The following PPP4R1 variants were observed in gnomAD, a reference collection of about 807,000 sequenced individuals.
PPP4R1 encodes the protein serine/threonine-protein phosphatase 4 regulatory subunit 1.
PPP4R1 carries 42 observed loss-of-function variants against 111.2 expected under a neutral mutation model. The ratio of observed to expected loss-of-function variants is 0.38; its 90% CI spans 0.29 to 0.49. The LOEUF is 0.49. PPP4R1 is among the 20% of genes least tolerant of loss of function. The pLI, the probability that PPP4R1 is intolerant of heterozygous loss-of-function variation, is 0.97. For synonymous variants in PPP4R1, 409 were observed against 405.5 expected, an observed-to-expected ratio of 1.01 and a Z score of -0.10; for missense variants, 1,012 against 1,161.6, an observed-to-expected ratio of 0.87 and a Z score of 1.87.
Position 9,609,235 on chromosome 18 carries a change from G to A in PPP4R1, c.52+4991C>T, listed in dbSNP as rs2067536414. On this transcript the variant is annotated intron_variant, in intron 2 of 19. Transcript: ENST00000400556. ...GGCTTGTTGGCAGCAGTCAAAACAG[G>A]CTACCAGGTCTCACGACTCACCCTC... Among the ~76,000 whole-genome samples, 3 of 152,104 alleles carry A rather than the reference G, an allele frequency of 2.0e-5. No homozygotes were observed. In the South Asian group the frequency reaches 6.2e-4, roughly 32 times the overall value.
upstream of PPP4R1, chr18:9,614,636 C>T (rs1481255871): frequency 4.2e-6 from 1 of 236,130 alleles, no homozygotes; most frequent in African/African-American, 2.4e-5. The surrounding 1 kb of genome is among the most constrained non-coding windows in gnomAD (Gnocchi z 4.1). Context: ...GGCCGAGGGC[C>T]CGGGCCTGCC....
upstream of PPP4R1, among the ~76,000 whole-genome samples, chr18:9,616,589 T>G (rs910691722): frequency 1.3e-5 from 2 of 152,192 alleles, no homozygotes; most frequent in Non-Finnish European, 2.9e-5. Flanking sequence ...CAGCTCTTTA[T>G]TCTAACTGGT....
At chr18:9,574,403 C>T (rs529630437) in intron 10 of PPP4R1, among the ~76,000 whole-genome samples, 4 of 152,248 alleles carry the variant, frequency 2.6e-5, no homozygotes, top group African/African-American at 7.2e-5. Context: ...AAAGCAAACA[C>T]GCTCCAGGAT....
At chr18:9,575,675 T>C (rs1007886444) in intron 10 of PPP4R1, among the ~76,000 whole-genome samples, 1 of 152,190 alleles carries the variant, frequency 6.6e-6, no homozygotes, top group Non-Finnish European at 1.5e-5. Flanking sequence ...GCGGCAAACA[T>C]GGCCTTGATA....
At chr18:9,576,899 C>T (rs1416970759) in intron 10 of PPP4R1, among the ~76,000 whole-genome samples, 165 bp downstream of exon 10, 5 of 130,072 alleles carry the variant, frequency 3.8e-5, no homozygotes, top group African/African-American at 6.5e-5. Context: ...CAAACAAATG[C>T]GCTTAAAGTA....
chr18:9,610,896 A>AC (rs1555677225), intron 2 of PPP4R1, among the ~76,000 whole-genome samples: 10 of 151,352 alleles, frequency 6.6e-5, no homozygotes, highest in African/African-American at 2.4e-4. Context: ...ACACACACAC[A>AC]AATACCATCC....
At position 9,608,030 on chromosome 18, in the gene PPP4R1, C is replaced by T. The variant is rs570861404; in HGVS notation, c.52+6196G>A. ...AACTCCTGATCTCGGGTGATCCACC[C>T]GCCTCGTTCTCCCAAAGTGCTGGGA... On this transcript the variant is annotated intron_variant, in intron 2 of 19. Transcript: ENST00000400556. Among the ~76,000 whole-genome samples, 27 of 144,022 alleles carry T rather than the reference C, an allele frequency of 1.9e-4. No individual in the cohort carries two copies. In the South Asian group the frequency reaches 3.5e-3, roughly 19 times the overall value. The allele number at this position is 144,022 out of a possible 152,430, so 94.5% of individuals were successfully genotyped here.
chr18:9,610,867 T>TACAC (rs60173784), intron 2 of PPP4R1, among the ~76,000 whole-genome samples: 33,894 of 149,708 alleles, frequency 0.23, 3,884 homozygotes, highest in Non-Finnish European at 0.25. Context: ...AAATTATGTG[T>TACAC]ACACACACAC....
chr18:9,584,282 G>C (rs549882479), intron 8 of PPP4R1, among the ~76,000 whole-genome samples: 1 of 152,278 alleles, frequency 6.6e-6, no homozygotes, highest in Admixed American at 6.5e-5. Context: ...AGAAATGGAA[G>C]AGGTGAAAAC....
chr18:9,549,367 T>G (rs1029800329), intron 18 of PPP4R1, 29 bp from the exon 19 acceptor site: 9 of 1,567,494 alleles, frequency 5.7e-6, no homozygotes, highest in Non-Finnish European at 7.0e-6. Context: ...TGCTCTAGGC[T>G]TCTCTGTCAA....
chr18:9,600,487 TCTGA>T (rs2067363468), intron 2 of PPP4R1, among the ~76,000 whole-genome samples: 1 of 152,130 alleles, frequency 6.6e-6, no homozygotes, highest in East Asian at 1.9e-4. Context: ...AGAAATATAG[TCTGA>T]CTACCAGAGA....
chr18:9,587,953 G>C (rs1215368470), intron 6 of PPP4R1, 136 bp downstream of exon 6: 20 of 1,097,992 alleles, frequency 1.8e-5, no homozygotes, highest in Non-Finnish European at 2.4e-5. Context: ...CTGACCTCAA[G>C]TGATCCACCC....
chr18:9,548,282 C>T (rs1417281094), intron 19 of PPP4R1, among the ~76,000 whole-genome samples: 3 of 120,746 alleles, frequency 2.5e-5, no homozygotes, highest in Non-Finnish European at 5.3e-5. Context: ...ACACCAACTA[C>T]AAAAAAAAAA....
intron 15 of PPP4R1, among the ~76,000 whole-genome samples, chr18:9,555,827 C>A (rs142887915): frequency 6.6e-6 from 1 of 152,040 alleles, no homozygotes; most frequent in African/African-American, 2.4e-5. Context: ...CTATAAAGGA[C>A]AATACTGGGA....
chr18:9,575,141 G>A (rs996211750), intron 10 of PPP4R1, among the ~76,000 whole-genome samples: 5 of 152,256 alleles, frequency 3.3e-5, no homozygotes, highest in African/African-American at 4.8e-5. Context: ...AATAAACAGT[G>A]GTGGAAATAT....
At chr18:9,567,143 A>G (rs1048373729) in intron 11 of PPP4R1, among the ~76,000 whole-genome samples, 3 of 152,232 alleles carry the variant, frequency 2.0e-5, no homozygotes, top group Admixed American at 2.0e-4. Flanking sequence ...AGATGCCATT[A>G]GGAGCATTCA....
chr18:9,607,783 C>CA (rs1362048919), intron 2 of PPP4R1, among the ~76,000 whole-genome samples: 2 of 125,378 alleles, frequency 1.6e-5, no homozygotes, highest in South Asian at 2.6e-4. Flanking sequence ...TTCTTTCTTT[C>CA]TTTTTTTTTT....
chr18:9,585,018 CAG>C (rs1272663698), intron 6 of PPP4R1, among the ~76,000 whole-genome samples, 190 bp from the exon 7 acceptor site: 1 of 152,134 alleles, frequency 6.6e-6, no homozygotes, highest in African/African-American at 2.4e-5. Context: ...GAAACAAAGA[CAG>C]ATATTAACCA....
intron 2 of PPP4R1, among the ~76,000 whole-genome samples, chr18:9,595,638 G>A (rs2067278799): frequency 6.6e-6 from 1 of 152,046 alleles, no homozygotes. Flanking sequence ...AAGTACTAGG[G>A]TAGATGCTGG....
Sources: gnomAD v4.1 joint callset for allele counts (sites outside exome capture counted in the v4.1 genomes callset) on GRCh38, gnomAD v4.1.1 for gene constraint, Gnocchi (gnomAD v3.1) non-coding constraint, MANE v1.5 for transcripts, NCBI Gene and HGNC (gene_info 2026-07-23, HGNC 2026-07-21) for gene names.